The following LRP2 variants were observed in gnomAD, a reference collection of about 807,000 sequenced individuals.
The protein encoded by LRP2 is low-density lipoprotein receptor-related protein 2.
LRP2 carries 172 observed loss-of-function variants against 531.0 expected under a neutral mutation model. That is an observed-to-expected ratio of 0.32 (90% CI 0.29 to 0.37). The LOEUF is 0.37. LRP2 is among the 10% of genes least tolerant of loss of function. LRP2 has a pLI of 1.00. For synonymous variants in LRP2, 1,992 were observed against 2,027.6 expected, an observed-to-expected ratio of 0.98 and a Z score of 0.47; for missense variants, 5,167 against 5,868.3, an observed-to-expected ratio of 0.88 and a Z score of 3.90.
chr2:169,282,031 T>C (rs1033116734), intron 10 of LRP2, among the ~76,000 whole-genome samples: 7 of 152,186 alleles, frequency 4.6e-5, no homozygotes, highest in African/African-American at 1.7e-4. Context: ...CTTCTTATAA[T>C]TTAAAATTTG....
chr2:169,307,506 G>A lies in LRP2; in HGVS notation c.311-109C>T, dbSNP rs575131321. The A allele has an allele frequency of 1.8e-4, 131 of 732,026 alleles. 2 individuals carry two copies. In the South Asian group the frequency reaches 1.9e-3, roughly 11 times the overall value. The allele number at this position is 732,026 out of a possible 1,614,324, so 45.3% of individuals were successfully genotyped here. The stretch of plus-strand genomic sequence containing the variant: ...AGCATAAAGTTCATAGGGACACAAG[G>A]TAAAGTACCTGGCTACCACCAAGCT... On this transcript the variant is annotated intron_variant, in intron 3 of 78. Transcript: ENST00000649046.
chr2:169,272,701 G>A (rs1353563098), intron 15 of LRP2, among the ~76,000 whole-genome samples: 1 of 152,140 alleles, frequency 6.6e-6, no homozygotes, highest in Non-Finnish European at 1.5e-5. Context: ...TGGGATTAAA[G>A]CAAAATCCCA....
chr2:169,144,198 C>T (rs1389478613), intron 70 of LRP2, among the ~76,000 whole-genome samples: 4 of 152,172 alleles, frequency 2.6e-5, no homozygotes, highest in African/African-American at 7.2e-5. Context: ...GCAGCATCAA[C>T]GTCACAGGAG....
chr2:169,273,201 A>G lies in LRP2; in HGVS notation c.1976-134T>C, dbSNP rs909215560. On this transcript the variant is annotated intron_variant, in intron 14 of 78. Coordinates refer to ENST00000649046, the MANE Select transcript of LRP2 (RefSeq NM_004525.3). The stretch of plus-strand genomic sequence containing the variant: ...TTAGCAACGTGTTGAAAACATTACT[A>G]CTGGTTACTACTGGATACATCCACA... 4.3e-6 allele frequency: 4 copies of G among 929,870 alleles called. No individual in the cohort carries two copies. In the East Asian group the frequency reaches 7.7e-5, roughly 18 times the overall value. The allele number at this position is 929,870 out of a possible 1,614,324, so 57.6% of individuals were successfully genotyped here.
chr2:169,194,313 T>C (rs1687930669), intron 46 of LRP2, among the ~76,000 whole-genome samples: 2 of 152,150 alleles, frequency 1.3e-5, no homozygotes, highest in African/African-American at 4.8e-5. Flanking sequence ...CTTCTTTCCA[T>C]AACACTTAGC....
chr2:169,260,814 A>G (rs1367673882), intron 16 of LRP2, among the ~76,000 whole-genome samples: 1 of 152,024 alleles, frequency 6.6e-6, no homozygotes, highest in Non-Finnish European at 1.5e-5. Flanking sequence ...GTTGAACAAC[A>G]GATTTACAGT....
intron 38 of LRP2, 58 bp downstream of exon 38, chr2:169,209,395 G>A (rs1446710542): frequency 1.3e-6 from 2 of 1,553,658 alleles, no homozygotes; most frequent in Non-Finnish European, 1.8e-6. Flanking sequence ...AAACTTTCTA[G>A]CATAAAATAA....
intron 2 of LRP2, among the ~76,000 whole-genome samples, chr2:169,319,873 C>G (rs1331548335): frequency 6.6e-6 from 1 of 152,238 alleles, no homozygotes; most frequent in African/African-American, 2.4e-5. Flanking sequence ...CATCCTTACC[C>G]TTCCTCCCAT....
At chr2:169,295,959 G>T (rs1248944752) in intron 4 of LRP2, among the ~76,000 whole-genome samples, 2 of 151,998 alleles carry the variant, frequency 1.3e-5, no homozygotes, top group Admixed American at 6.6e-5. Flanking sequence ...TTGACTTTGA[G>T]TCTCAATTTT....
At chr2:169,243,853 C>T (rs1216196030) in intron 22 of LRP2, among the ~76,000 whole-genome samples, 1 of 149,668 alleles carries the variant, frequency 6.7e-6, no homozygotes, top group Non-Finnish European at 1.5e-5. Flanking sequence ...TAGACCAAAG[C>T]CAAGCAATGG....
intron 6 of LRP2, 72 bp from the exon 7 acceptor site, chr2:169,292,441 T>G: frequency 1.0e-6 from 1 of 960,082 alleles, no homozygotes; most frequent in Non-Finnish European, 1.7e-6. Context: ...CTCACCTCAC[T>G]GCCTAAGCAG....
At chr2:169,319,494 A>G (rs1684855483) in intron 2 of LRP2, among the ~76,000 whole-genome samples, 1 of 152,164 alleles carries the variant, frequency 6.6e-6, no homozygotes, top group African/African-American at 2.4e-5. Context: ...TGTTATTGTT[A>G]TTATTTTTAC....
At chr2:169,196,829 T>A (rs1220823853) in intron 46 of LRP2, 82 bp downstream of exon 46, 1 of 1,585,070 alleles carries the variant, frequency 6.3e-7, no homozygotes, top group Non-Finnish European at 8.6e-7. Flanking sequence ...GCCATGACCC[T>A]GGTCTGTATT....
chr2:169,307,569 A>G (rs1355508211), intron 3 of LRP2, among the ~76,000 whole-genome samples, 172 bp from the exon 4 acceptor site: 2 of 152,222 alleles, frequency 1.3e-5, no homozygotes, highest in African/African-American at 4.8e-5. Flanking sequence ...AATGTTATCA[A>G]AATGCCCAGA....
chr2:169,151,460 T>C (rs550515475), intron 67 of LRP2, among the ~76,000 whole-genome samples: 10 of 152,200 alleles, frequency 6.6e-5, no homozygotes, highest in African/African-American at 2.4e-4. Flanking sequence ...TAGGTAGAAG[T>C]CATAAGGCAC....
intron 4 of LRP2, among the ~76,000 whole-genome samples, chr2:169,305,592 A>C (rs1441460882): frequency 6.6e-6 from 1 of 152,236 alleles, no homozygotes; most frequent in African/African-American, 2.4e-5. Flanking sequence ...AGACATAATA[A>C]CTGAAAAGTT....
chr2:169,358,042 G>C (rs1009087561), intron 1 of LRP2, among the ~76,000 whole-genome samples: 55 of 152,298 alleles, frequency 3.6e-4, no homozygotes, highest in African/African-American at 1.2e-3. Context: ...ATGGTACATG[G>C]TTGTAATAAC....
At chr2:169,160,555 A>C (rs1010046178) in intron 63 of LRP2, among the ~76,000 whole-genome samples, 1 of 152,144 alleles carries the variant, frequency 6.6e-6, no homozygotes, top group Non-Finnish European at 1.5e-5. Flanking sequence ...TAGTATATTA[A>C]AAAAGAATTC....
chr2:169,315,045 G>A (rs543892163), intron 3 of LRP2, among the ~76,000 whole-genome samples: 2 of 152,138 alleles, frequency 1.3e-5, no homozygotes, highest in Non-Finnish European at 2.9e-5. Context: ...TCTAAATGTT[G>A]TGCTTAGGTT....
Sources: gnomAD v4.1 joint callset for allele counts (sites outside exome capture counted in the v4.1 genomes callset) on GRCh38, gnomAD v4.1.1 for gene constraint, MANE v1.5 for transcripts, NCBI Gene and HGNC (gene_info 2026-07-23, HGNC 2026-07-21) for gene names.